COL19A1: variants seen among roughly 807,000 people sequenced by gnomAD.
COL19A1 encodes collagen type XIX alpha 1 chain, also known as collagen alpha-1(XIX) chain.
In COL19A1, 159 loss-of-function variants were observed where a neutral mutation model predicts 190.2. The observed-to-expected ratio is 0.84, with a 90% CI of 0.73 to 0.95. The LOEUF is 0.95. COL19A1 is among the 40% of genes least tolerant of loss of function. The probability of loss-of-function intolerance (pLI) is 0.00; values close to 1 mark genes in which losing one functional copy is unlikely to be tolerated. For missense variants in COL19A1, 1,418 were observed against 1,431.9 expected (o/e 0.99, Z 0.16); for synonymous variants, 509 against 458.9 (o/e 1.11, Z -1.39).
chr6:69,905,184 G>C (rs1770468438), intron 4 of COL19A1, among the ~76,000 whole-genome samples: 1 of 152,186 alleles, frequency 6.6e-6, no homozygotes, highest in African/African-American at 2.4e-5. Flanking sequence ...GACTACGCCA[G>C]ATGTTATGCT....
chr6:69,959,750 A>G (rs1474535977), intron 9 of COL19A1, among the ~76,000 whole-genome samples: 1 of 152,224 alleles, frequency 6.6e-6, no homozygotes, highest in Non-Finnish European at 1.5e-5. Context: ...CAGGTAAGTT[A>G]CTAGTTAGGT....
chr6:70,039,131 A>G (rs879349384), intron 14 of COL19A1, among the ~76,000 whole-genome samples: 8 of 152,166 alleles, frequency 5.3e-5, no homozygotes, highest in Non-Finnish European at 1.0e-4. Flanking sequence ...AAAAATTCTA[A>G]TTCCCAGACT....
intron 18 of COL19A1, among the ~76,000 whole-genome samples, chr6:70,133,077 G>T (rs938026828): frequency 6.6e-6 from 1 of 152,066 alleles, no homozygotes; most frequent in Non-Finnish European, 1.5e-5. Context: ...AGGATTAATT[G>T]TTGTTCTCAT....
intron 11 of COL19A1, among the ~76,000 whole-genome samples, chr6:70,016,798 C>T (rs1489159055): frequency 6.6e-6 from 1 of 151,812 alleles, no homozygotes; most frequent in Admixed American, 6.6e-5. Flanking sequence ...TAAGAAAATG[C>T]AAATTAAAGC....
chr6:69,926,807 CACTT>C (rs1474703635), intron 4 of COL19A1, among the ~76,000 whole-genome samples: 1 of 152,108 alleles, frequency 6.6e-6, no homozygotes, highest in Non-Finnish European at 1.5e-5. Context: ...AAGAGATCCA[CACTT>C]AGTCACATGA....
rs1321730332 is a variant in COL19A1 at position 70,016,388 on chromosome 6, A to C, written c.1027-7239A>C. Among the ~76,000 whole-genome samples, 2 of 122,736 alleles carry C rather than the reference A, an allele frequency of 1.6e-5. 1 individual carries two copies. The highest frequency in any genetic ancestry group is 3.2e-5 in the Non-Finnish European group (2 of 62,882). The allele number at this position is 122,736 out of a possible 152,430, so 80.5% of individuals were successfully genotyped here. On this transcript the variant is annotated intron_variant, in intron 11 of 50. Transcript: ENST00000620364. ...TAATAAAAAAAAAAAAAAAAAACAC[A>C]TGAAAAAAAAAAAACAAAACAAAAC...
chr6:69,900,326 T>G lies in COL19A1; in HGVS notation c.254T>G (p.Ile85Ser). The G allele has an allele frequency of 6.4e-7, 1 of 1,555,846 alleles. No homozygotes were observed. Among genetic ancestry groups the G allele is most frequent in the South Asian group, 1.2e-5 (1 of 81,746 alleles). ...TCFKLGSALL[I>S]RDTIKIFPKG... is the part of the protein sequence containing the mutation. ...TTCAAATTGGGAAGTGCACTTCTTA[T>G]TAGAGACACTATGTAAGTAAAAAAT... Residue 85 changes from isoleucine (I) to serine (S), a missense_variant, in exon 4 of 51, where the codon ATT becomes AGT. By Grantham distance (142) the Ile-to-Ser change is moderately radical. Coordinates refer to ENST00000620364, the MANE Select transcript of COL19A1 (RefSeq NM_001858.6).
chr6:70,167,066 C>T (rs1320778840), intron 37 of COL19A1, among the ~76,000 whole-genome samples: 1 of 152,186 alleles, frequency 6.6e-6, no homozygotes, highest in African/African-American at 2.4e-5. Context: ...TTTGTCTCTC[C>T]AGGACGTAGC....
chr6:70,171,683 A>G (rs995797321), intron 40 of COL19A1, among the ~76,000 whole-genome samples: 1 of 152,224 alleles, frequency 6.6e-6, no homozygotes, highest in Non-Finnish European at 1.5e-5. Context: ...AATTGGAGTT[A>G]TCACTGAGTA....
At chr6:69,941,791 C>T (rs867032296) in intron 9 of COL19A1, among the ~76,000 whole-genome samples, 1 of 151,520 alleles carries the variant, frequency 6.6e-6, no homozygotes, top group Non-Finnish European at 1.5e-5. Context: ...CGGGTTCAAG[C>T]GATTCTCCTG....
intron 47 of COL19A1, 105 bp downstream of exon 47, chr6:70,188,350 A>G: frequency 1.5e-6 from 2 of 1,344,290 alleles, no homozygotes; most frequent in Non-Finnish European, 2.0e-6. Flanking sequence ...AAACAAACCT[A>G]AACTGGTCCC....
In COL19A1 at chr6:69,934,331, C is replaced by T. The variant is rs1024577686; in HGVS notation, c.747+1468C>T. The stretch of plus-strand genomic sequence containing the variant: ...AATACCTAGACTTCCTGGAGCTACA[C>T]ATTTAAATCTTAAAGATGTTAATTC... On this transcript the variant is annotated intron_variant, in intron 7 of 50. Transcript: ENST00000620364. 2.0e-5 allele frequency among the ~76,000 whole-genome samples: 3 copies of T among 151,964 alleles called. No homozygotes were observed. In the East Asian group the frequency reaches 5.8e-4, roughly 29 times the overall value.
intron 11 of COL19A1, among the ~76,000 whole-genome samples, chr6:70,005,110 C>T (rs1777538044): frequency 6.6e-6 from 1 of 151,956 alleles, no homozygotes; most frequent in Non-Finnish European, 1.5e-5. Context: ...GGGATTACAG[C>T]ATACTTTTTT....
At chr6:69,913,566 TGTG>T (rs1330852626) in intron 4 of COL19A1, among the ~76,000 whole-genome samples, 1 of 152,152 alleles carries the variant, frequency 6.6e-6, no homozygotes, top group Non-Finnish European at 1.5e-5. Context: ...CAATGTATGT[TGTG>T]GTAGTTAGAG....
chr6:70,029,643 C>G (rs1160263103), intron 12 of COL19A1, among the ~76,000 whole-genome samples: 1 of 152,148 alleles, frequency 6.6e-6, no homozygotes, highest in Non-Finnish European at 1.5e-5. Flanking sequence ...ATGTGTTTCT[C>G]AGAGGCTATT....
At chr6:70,035,739 G>A (rs1779317641) in intron 13 of COL19A1, among the ~76,000 whole-genome samples, 165 bp from the exon 14 acceptor site, 2 of 152,184 alleles carry the variant, frequency 1.3e-5, no homozygotes, top group Middle Eastern at 6.8e-3. Context: ...AGCTAAAAGG[G>A]ACATGATATA....
intron 11 of COL19A1, among the ~76,000 whole-genome samples, chr6:69,994,256 G>T (rs138558427): frequency 6.6e-6 from 1 of 152,264 alleles, no homozygotes; most frequent in Non-Finnish European, 1.5e-5. Flanking sequence ...TGATTTTAAT[G>T]ATGTTAAATT....
At chr6:69,899,089 A>G in intron 3 of COL19A1, 67 bp downstream of exon 3, 1 of 1,012,252 alleles carries the variant, frequency 9.9e-7, no homozygotes, top group Non-Finnish European at 1.6e-6. Flanking sequence ...TAGATATGGA[A>G]TACATTATAG....
At chr6:70,053,054 G>T (rs1780294766) in intron 14 of COL19A1, among the ~76,000 whole-genome samples, 1 of 152,186 alleles carries the variant, frequency 6.6e-6, no homozygotes, top group African/African-American at 2.4e-5. Context: ...GTGAATGTGT[G>T]GAGGCCATCA....
Sources: gnomAD v4.1 joint callset for allele counts (sites outside exome capture counted in the v4.1 genomes callset) on GRCh38, gnomAD v4.1.1 for gene constraint, MANE v1.5 for transcripts, NCBI Gene and HGNC (gene_info 2026-07-23, HGNC 2026-07-21) for gene names.